ROBO2: variants seen among roughly 807,000 people sequenced by gnomAD.
The protein encoded by ROBO2 is roundabout homolog 2.
ROBO2 carries 53 observed loss-of-function variants against 160.8 expected under a neutral mutation model. That is an observed-to-expected ratio of 0.33 (90% CI 0.26 to 0.41). ROBO2 has a LOEUF of 0.41. ROBO2 is among the 10% of genes least tolerant of loss of function. The pLI is 1.00. For synonymous variants in ROBO2, 664 were observed against 611.7 expected (o/e 1.09, Z -1.26); for missense variants, 1,577 against 1,722.4 (o/e 0.92, Z 1.49).
At chr3:77,235,750 A>G (rs1191188709) in intron 2 of ROBO2, among the ~76,000 whole-genome samples, 1 of 152,224 alleles carries the variant, frequency 6.6e-6, no homozygotes, top group African/African-American at 2.4e-5. Context: ...TTAGCATTTC[A>G]TGCCTTCTTA....
chr3:76,186,903 T>C (rs1435714249), intron 2 of ROBO2, among the ~76,000 whole-genome samples: 2 of 152,082 alleles, frequency 1.3e-5, no homozygotes, highest in African/African-American at 4.8e-5. Context: ...CAGTAGTGTT[T>C]GACAGTGAAT....
chr3:75,988,151 G>T (rs1464630422), intron 2 of ROBO2, among the ~76,000 whole-genome samples: 1 of 152,010 alleles, frequency 6.6e-6, no homozygotes, highest in African/African-American at 2.4e-5. Context: ...CAGTGAAGCT[G>T]TCAGGTCCAG....
chr3:77,181,714 T>C (rs1389583828), intron 2 of ROBO2, among the ~76,000 whole-genome samples: 5 of 152,106 alleles, frequency 3.3e-5, no homozygotes, highest in Non-Finnish European at 7.4e-5. Context: ...CTCAATATTC[T>C]TGCTTTTAGT....
At chr3:77,640,287 G>A (rs1467049523) in intron 24 of ROBO2, among the ~76,000 whole-genome samples, 1 of 151,856 alleles carries the variant, frequency 6.6e-6, no homozygotes, top group Non-Finnish European at 1.5e-5. Flanking sequence ...AATTGTTTTT[G>A]TATTTTTAGT....
In ROBO2 at chr3:76,442,904, G is replaced by A. The variant is rs184358351; in HGVS notation, c.109+505302G>A. ...CCACTATGCCTAATTTATAAATTCAGCTTTTTCATAGGTAAATGTGTTAGT... is the reference window on the plus strand; with the variant it reads ...CCACTATGCCTAATTTATAAATTCAACTTTTTCATAGGTAAATGTGTTAGT... On this transcript the variant is annotated intron_variant, in intron 2 of 26. Transcript: ENST00000487694. Among the ~76,000 whole-genome samples, 10 of 152,132 alleles carry A rather than the reference G, an allele frequency of 6.6e-5. No homozygotes were observed. In the East Asian group the frequency reaches 1.5e-3, roughly 24 times the overall value.
chr3:76,964,662 A>T (rs1330898168), intron 2 of ROBO2, among the ~76,000 whole-genome samples: 1 of 152,154 alleles, frequency 6.6e-6, no homozygotes, highest in African/African-American at 2.4e-5. Flanking sequence ...AAAATAATAA[A>T]GTTTGATTCA....
At position 76,754,465 on chromosome 3, in the gene ROBO2, G is replaced by T. The variant is rs187362117; in HGVS notation, c.110-343549G>T. ...GCACTGTGATTTCCCCAGTCTTGCT[G>T]CTCTTCTGTGTTTTATTTATGTTCT... On this transcript the variant is annotated intron_variant, in intron 2 of 26. Coordinates refer to the ROBO2 transcript ENST00000487694. 4.7e-3 allele frequency among the ~76,000 whole-genome samples: 708 copies of T among 151,952 alleles called. 5 individuals are homozygous for T. Among genetic ancestry groups the T allele is most frequent in the Non-Finnish European group, 7.3e-3 (498 of 67,896 alleles).
At chr3:76,040,291 A>G (rs1247850510) in intron 2 of ROBO2, among the ~76,000 whole-genome samples, 1 of 151,816 alleles carries the variant, frequency 6.6e-6, no homozygotes, top group Admixed American at 6.6e-5. Context: ...TAGGATGGTA[A>G]ATCTTTTCTG....
chr3:76,007,660 G>T (rs1466580308), intron 2 of ROBO2, among the ~76,000 whole-genome samples: 2 of 152,072 alleles, frequency 1.3e-5, no homozygotes, highest in African/African-American at 4.8e-5. Flanking sequence ...ACAAGTGTCT[G>T]TTATCATAGA....
intron 2 of ROBO2, among the ~76,000 whole-genome samples, chr3:76,713,332 C>A (rs983095924): frequency 2.6e-5 from 4 of 152,050 alleles, no homozygotes; most frequent in Non-Finnish European, 2.9e-5. Flanking sequence ...CAAATAATTT[C>A]TTTCTAGTTT....
intron 2 of ROBO2, among the ~76,000 whole-genome samples, chr3:77,140,732 C>A (rs2076636025): frequency 6.6e-6 from 1 of 152,124 alleles, no homozygotes; most frequent in Non-Finnish European, 1.5e-5. Context: ...GCCCAGGGTC[C>A]CAATTTAATA....
chr3:76,014,586 C>T lies in ROBO2; in HGVS notation c.109+76984C>T, dbSNP rs144493176. ...AAGTAATATGTATAAAGGCAATTGG[C>T]GGCTGGCATGATAGCTTATGCATGT... On this transcript the variant is annotated intron_variant, in intron 2 of 26. Transcript: ENST00000487694. Among the ~76,000 whole-genome samples the T allele has an allele frequency of 1.7e-3, 242 of 146,164 alleles. 4 individuals are homozygous for T. The highest frequency in any genetic ancestry group is 5.7e-3 in the African/African-American group (229 of 39,862).
At chr3:76,844,465 G>A (rs916456572) in intron 2 of ROBO2, among the ~76,000 whole-genome samples, 2 of 151,904 alleles carry the variant, frequency 1.3e-5, no homozygotes, top group African/African-American at 4.8e-5. Context: ...AGATCATGGA[G>A]CAGTAAGTGA....
intron 2 of ROBO2, among the ~76,000 whole-genome samples, chr3:76,130,400 A>G (rs540012570): frequency 1.3e-5 from 2 of 152,286 alleles, no homozygotes; most frequent in Admixed American, 1.3e-4. Flanking sequence ...ATTTCTCCAT[A>G]AAAAACACTG....
chr3:76,740,973 T>C (rs962941770), intron 2 of ROBO2, among the ~76,000 whole-genome samples: 1 of 152,118 alleles, frequency 6.6e-6, no homozygotes, highest in Non-Finnish European at 1.5e-5. Context: ...AAGTACAGCC[T>C]TTTGAACTAG....
At chr3:76,580,798 A>G (rs1487590088) in intron 2 of ROBO2, among the ~76,000 whole-genome samples, 2 of 152,180 alleles carry the variant, frequency 1.3e-5, no homozygotes. Context: ...AACAAAGATG[A>G]TAAGAAGTAA....
intron 2 of ROBO2, among the ~76,000 whole-genome samples, chr3:77,273,659 T>C (rs977225046): frequency 6.6e-6 from 1 of 152,180 alleles, no homozygotes; most frequent in African/African-American, 2.4e-5. Context: ...CTTAAAAACA[T>C]TATGCTAAAT....
intron 2 of ROBO2, among the ~76,000 whole-genome samples, chr3:76,215,462 TA>T (rs1181032467): frequency 4.6e-5 from 7 of 152,114 alleles, no homozygotes; most frequent in Admixed American, 1.3e-4. Flanking sequence ...GAGAAGTCCT[TA>T]AAGGACCTGA....
intron 2 of ROBO2, among the ~76,000 whole-genome samples, chr3:77,475,736 C>G (rs908093265): frequency 2.0e-5 from 3 of 152,332 alleles, no homozygotes; most frequent in African/African-American, 7.2e-5. Flanking sequence ...CCAGCTTGCT[C>G]TCCCTGGAGG....
Sources: gnomAD v4.1 joint callset for allele counts (sites outside exome capture counted in the v4.1 genomes callset) on GRCh38, gnomAD v4.1.1 for gene constraint, MANE v1.5 for transcripts, NCBI Gene and HGNC (gene_info 2026-07-23, HGNC 2026-07-21) for gene names.